The following ZNF185 variants were observed in gnomAD, a reference collection of about 807,000 sequenced individuals.
The protein encoded by ZNF185 is zinc finger protein 185 with LIM domain, also known as zinc finger protein 185.
ZNF185 carries 56 observed loss-of-function variants against 58.6 expected under a neutral mutation model. The ratio of observed to expected loss-of-function variants is 0.95; its 90% CI spans 0.77 to 1.19. The LOEUF is 1.19. Among genes scored for constraint, ZNF185 ranks in the 50% most tolerant of loss-of-function variants. The pLI is 0.00. For synonymous variants in ZNF185, 230 were observed against 215.9 expected (o/e 1.07, Z -0.57); for missense variants, 627 against 573.5 (o/e 1.09, Z -0.95).
the ZNF185 span, among the ~76,000 whole-genome samples, chrX:152,909,033 T>C: frequency 8.9e-6 from 1 of 112,812 alleles, no homozygotes; most frequent in South Asian, 3.6e-4. Flanking sequence ...GTCCCAGTGG[T>C]TGGGTCTTCT....
At chrX:152,957,299 C>G (rs925864622) in intron 16 of ZNF185, among the ~76,000 whole-genome samples, 2 of 108,030 alleles carry the variant, frequency 1.9e-5, no homozygotes, top group African/African-American at 6.8e-5. Context: ...GTCTCGAACT[C>G]CCAGGTGCTC....
chrX:152,970,065 T>C (rs1556917983), intron 21 of ZNF185, among the ~76,000 whole-genome samples: 2 of 111,229 alleles, frequency 1.8e-5, no homozygotes, highest in East Asian at 5.7e-4. Context: ...TGAACTTTGC[T>C]TGCTCCTGGT....
chrX:152,900,699 C>T, the ZNF185 span, among the ~76,000 whole-genome samples: 1 of 112,643 alleles, frequency 8.9e-6, no homozygotes, highest in African/African-American at 3.2e-5. Flanking sequence ...ATCATTGCTT[C>T]CAAAGGCCGG....
chrX:152,914,477 C>A, exon 1 of ZNF185: 1 of 1,179,991 alleles, frequency 8.5e-7, no homozygotes, highest in South Asian at 1.9e-5. Flanking sequence ...AGGAGAGCTG[C>A]GGAGCAATCA....
chrX:152,904,038 G>A, the ZNF185 span, among the ~76,000 whole-genome samples: 2 of 112,523 alleles, frequency 1.8e-5, no homozygotes, highest in Non-Finnish European at 3.8e-5. Flanking sequence ...TACCACCCCC[G>A]CCATGCGTTC....
exon 17 of ZNF185, chrX:152,959,809 A>G (rs1416822935): frequency 1.7e-6 from 2 of 1,210,489 alleles, no homozygotes; most frequent in African/African-American, 3.5e-5. Context: ...GTACCCACTC[A>G]GCAACCTGCA....
At chrX:152,908,309 C>A in the ZNF185 span, among the ~76,000 whole-genome samples, 9 of 112,881 alleles carry the variant, frequency 8.0e-5, no homozygotes, top group East Asian at 2.5e-3. Context: ...GCCCCTGGCA[C>A]CACTTTCAAA....
intron 15 of ZNF185, among the ~76,000 whole-genome samples, chrX:152,940,065 G>C (rs112138001): frequency 6.6e-4 from 74 of 111,662 alleles, no homozygotes; most frequent in African/African-American, 2.1e-3. Flanking sequence ...TTACAGGCGT[G>C]AGCCACTGTG....
At chrX:152,947,154 CA>C (rs782718873) in intron 16 of ZNF185, among the ~76,000 whole-genome samples, 13 of 111,740 alleles carry the variant, frequency 1.2e-4, no homozygotes, top group African/African-American at 3.9e-4. Context: ...GCCGAGGTGG[CA>C]GTATCGCTTG....
chrX:152,951,597 CTTA>C (rs1327128695), intron 16 of ZNF185, among the ~76,000 whole-genome samples: 1 of 111,405 alleles, frequency 9.0e-6, no homozygotes, highest in Admixed American at 9.6e-5. Flanking sequence ...CACTTATTTA[CTTA>C]TTATAATTTT....
At chrX:152,963,646 C>T (rs189304838) in intron 17 of ZNF185, among the ~76,000 whole-genome samples, 193 bp from the exon 20 acceptor site, 2 of 112,085 alleles carry the variant, frequency 1.8e-5, no homozygotes, top group Admixed American at 9.4e-5. Flanking sequence ...TACTGACTCA[C>T]GATGTGACCT....
chrX:152,960,629 T>C (rs972051522), intron 17 of ZNF185, among the ~76,000 whole-genome samples: 3 of 112,609 alleles, frequency 2.7e-5, no homozygotes, highest in Admixed American at 9.4e-5. Context: ...TTTGAAATCC[T>C]AGGTGACTTG....
chrX:152,945,601 T>G, intron 16 of ZNF185, 137 bp downstream of exon 18: 4 of 678,275 alleles, frequency 5.9e-6, no homozygotes, highest in Non-Finnish European at 8.3e-6. Flanking sequence ...GTTCTGTGAG[T>G]GGGTCATGGT....
chrX:152,943,667 G>A (rs781810394), intron 15 of ZNF185, among the ~76,000 whole-genome samples: 24 of 112,901 alleles, frequency 2.1e-4, no homozygotes, highest in Admixed American at 5.6e-4. Flanking sequence ...GAAAGAAGAA[G>A]CCTTGTTCAT....
chrX:152,930,807 G>A (rs1291266474), intron 12 of ZNF185, among the ~76,000 whole-genome samples: 1 of 111,388 alleles, frequency 9.0e-6, no homozygotes, highest in Non-Finnish European at 1.9e-5. Flanking sequence ...GGCCCACTGG[G>A]TCAGCAGTAC....
upstream of ZNF185, among the ~76,000 whole-genome samples, chrX:152,909,993 C>T (rs920838338): frequency 9.3e-6 from 1 of 107,993 alleles, no homozygotes; most frequent in Non-Finnish European, 1.9e-5. Flanking sequence ...CTGCAACCTC[C>T]GCCTCCCAGG....
chrX:152,918,097 G>A (rs782343999), exon 6 of ZNF185: 3 of 1,192,229 alleles, frequency 2.5e-6, no homozygotes, highest in South Asian at 3.7e-5. Flanking sequence ...GCTAACGCTG[G>A]TCCTCCCCGC....
At chrX:152,956,721 G>A (rs1411080631) in intron 16 of ZNF185, among the ~76,000 whole-genome samples, 5 of 112,396 alleles carry the variant, frequency 4.4e-5, no homozygotes, top group African/African-American at 9.7e-5. Flanking sequence ...CCTGGGCAAC[G>A]AGGGCAAAAC....
Position 152,931,592 on chromosome X carries a change from G to A in ZNF185, c.918-80G>A. ...GTTTTAAGCTCCGTGGAGACAGCTG[G>A]CGTTTGAGGATGAGGTAACAGCCCA... On this transcript the variant is annotated intron_variant, in intron 12 of 22. Coordinates refer to ENST00000449285, the Ensembl canonical transcript of ZNF185. 7 of 856,064 alleles carry A rather than the reference G, an allele frequency of 8.2e-6. 1 individual carries two copies. Among genetic ancestry groups the A allele is most frequent in the Non-Finnish European group, 1.2e-5 (7 of 608,056 alleles). The allele number at this position is 856,064 out of a possible 1,213,427, so 70.5% of individuals were successfully genotyped here.
Sources: allele counts gnomAD v4.1 joint callset (sites outside exome capture counted in the v4.1 genomes callset), GRCh38; gene constraint gnomAD v4.1.1; transcripts MANE v1.5; gene names NCBI Gene and HGNC (gene_info 2026-07-23, HGNC 2026-07-21).